Variants in WWOX observed in about 807,000 individuals in gnomAD.
The protein encoded by WWOX is WW domain containing oxidoreductase, also known as WW domain-containing oxidoreductase.
WWOX carries 69 observed loss-of-function variants against 46.2 expected under a neutral mutation model. The observed-to-expected ratio is 1.49, with a 90% CI of 1.23 to 1.82. The LOEUF is 1.82. Among genes scored for constraint, WWOX ranks in the 40% most tolerant of loss-of-function variants. The pLI is 0.00. For missense variants in WWOX, 919 were observed against 542.6 expected, an observed-to-expected ratio of 1.69 and a Z score of -6.89; for synonymous variants, 359 against 202.6, an observed-to-expected ratio of 1.77 and a Z score of -6.56.
At chr16:78,860,847 T>C (rs2043866920) in intron 8 of WWOX, among the ~76,000 whole-genome samples, 1 of 152,186 alleles carries the variant, frequency 6.6e-6, no homozygotes, top group Non-Finnish European at 1.5e-5. Flanking sequence ...TTGTTTTGTT[T>C]TGTTTTTGAG....
intron 8 of WWOX, among the ~76,000 whole-genome samples, chr16:78,468,317 C>A (rs1378340759): frequency 1.3e-5 from 2 of 149,546 alleles, no homozygotes; most frequent in East Asian, 4.0e-4. Context: ...GTACTCCAGA[C>A]TGTGAGGCCC....
chr16:78,905,349 C>T (rs1320348359), intron 8 of WWOX, among the ~76,000 whole-genome samples: 1 of 152,188 alleles, frequency 6.6e-6, no homozygotes, highest in Non-Finnish European at 1.5e-5. Flanking sequence ...AAATGTAAAT[C>T]AAGTGACTGT....
chr16:78,427,807 A>G (rs1432109865), intron 7 of WWOX, among the ~76,000 whole-genome samples: 1 of 151,828 alleles, frequency 6.6e-6, no homozygotes, highest in Admixed American at 6.6e-5. Context: ...TGTTTAAAAA[A>G]AATGCAGTAT....
At chr16:78,735,758 T>C (rs1252757737) in intron 8 of WWOX, among the ~76,000 whole-genome samples, 1 of 151,664 alleles carries the variant, frequency 6.6e-6, no homozygotes, top group African/African-American at 2.4e-5. Flanking sequence ...CTTTAGAATG[T>C]TGTTGACTGA....
At chr16:79,131,383 G>A (rs896015372) in intron 8 of WWOX, among the ~76,000 whole-genome samples, 4 of 152,082 alleles carry the variant, frequency 2.6e-5, no homozygotes, top group Non-Finnish European at 5.9e-5. Context: ...AGGCTTTGAG[G>A]TCTTTTTTTC....
At chr16:78,819,064 TGA>T (rs1192562420) in intron 8 of WWOX, among the ~76,000 whole-genome samples, 1 of 152,210 alleles carries the variant, frequency 6.6e-6, no homozygotes, top group Non-Finnish European at 1.5e-5. Context: ...ACTTAGCACA[TGA>T]GCAGGCCCAT....
intron 8 of WWOX, among the ~76,000 whole-genome samples, chr16:78,798,672 C>G (rs1239055150): frequency 2.0e-5 from 3 of 151,388 alleles, no homozygotes; most frequent in Non-Finnish European, 4.4e-5. Context: ...TAATTTCTCA[C>G]CATCTCAGGG....
At chr16:78,702,567 A>G (rs1387067992) in intron 8 of WWOX, among the ~76,000 whole-genome samples, 2 of 151,890 alleles carry the variant, frequency 1.3e-5, no homozygotes, top group Admixed American at 6.6e-5. Flanking sequence ...AGGCAGGAGA[A>G]TCACTTGAAT....
intron 8 of WWOX, among the ~76,000 whole-genome samples, chr16:78,756,010 C>T (rs55779201): frequency 2.0e-5 from 3 of 152,078 alleles, no homozygotes; most frequent in Non-Finnish European, 2.9e-5. Flanking sequence ...GACCAAGTCT[C>T]TTGGAGACAA....
At chr16:79,121,911 C>G (rs566593258) in intron 8 of WWOX, among the ~76,000 whole-genome samples, 2 of 152,196 alleles carry the variant, frequency 1.3e-5, no homozygotes, top group African/African-American at 4.8e-5. Flanking sequence ...AATATCCCAT[C>G]CAGCCCCCAG....
At chr16:78,993,244 G>A (rs756356881) in intron 8 of WWOX, among the ~76,000 whole-genome samples, 26 of 151,444 alleles carry the variant, frequency 1.7e-4, no homozygotes, top group Admixed American at 9.2e-4. Context: ...GGATAACGGC[G>A]CCGAAACTTT....
At chr16:78,957,294 T>C (rs1265527627) in intron 8 of WWOX, among the ~76,000 whole-genome samples, 1 of 152,244 alleles carries the variant, frequency 6.6e-6, no homozygotes, top group African/African-American at 2.4e-5. Flanking sequence ...CAGATAATTA[T>C]CTGAGAAAAC....
chr16:78,277,649 G>A (rs983909858), intron 5 of WWOX, among the ~76,000 whole-genome samples: 12 of 152,184 alleles, frequency 7.9e-5, no homozygotes, highest in African/African-American at 2.9e-4. Flanking sequence ...AAAGACAGGC[G>A]CTGCTCTCTG....
chr16:78,448,795 T>G (rs573249385), intron 8 of WWOX, among the ~76,000 whole-genome samples: 1 of 152,310 alleles, frequency 6.6e-6, no homozygotes, highest in African/African-American at 2.4e-5. Context: ...AGTGTTGCCT[T>G]CCTTTTTATC....
intron 1 of WWOX, among the ~76,000 whole-genome samples, chr16:78,103,006 G>A (rs758323097): frequency 1.3e-5 from 2 of 151,476 alleles, no homozygotes; most frequent in South Asian, 2.1e-4. Context: ...CAGCCCCAGA[G>A]GTGCTTCTGC....
At chr16:79,066,780 C>A (rs1183514941) in intron 8 of WWOX, among the ~76,000 whole-genome samples, 2 of 152,214 alleles carry the variant, frequency 1.3e-5, no homozygotes. Flanking sequence ...TTCCCTCTGG[C>A]AATGGTCCAG....
chr16:78,262,574 C>G (rs965537515), intron 5 of WWOX, among the ~76,000 whole-genome samples: 1 of 152,176 alleles, frequency 6.6e-6, no homozygotes, highest in Admixed American at 6.5e-5. Context: ...CCCCTGTCCC[C>G]AGCTTACCAT....
At chr16:78,230,680 G>A (rs2151807346) in intron 5 of WWOX, among the ~76,000 whole-genome samples, 1 of 152,330 alleles carries the variant, frequency 6.6e-6, no homozygotes, top group East Asian at 1.9e-4. Context: ...CTCCTGCTAG[G>A]AAGCATGGTC....
At chr16:79,123,272 C>T (rs2049677760) in intron 8 of WWOX, among the ~76,000 whole-genome samples, 1 of 152,084 alleles carries the variant, frequency 6.6e-6, no homozygotes, top group African/African-American at 2.4e-5. Context: ...GAGAGCTGAG[C>T]ATAAGGATCT....
Sources: allele counts gnomAD v4.1 joint callset (sites outside exome capture counted in the v4.1 genomes callset), GRCh38; gene constraint gnomAD v4.1.1; transcripts MANE v1.5; gene names NCBI Gene and HGNC (gene_info 2026-07-23, HGNC 2026-07-21).